The following EIF2AK4 variants were observed in gnomAD, a reference collection of about 807,000 sequenced individuals.
EIF2AK4 encodes the protein eIF-2-alpha kinase GCN2.
In EIF2AK4, 139 loss-of-function variants were observed where a neutral mutation model predicts 211.1. The observed-to-expected ratio is 0.66, with a 90% CI of 0.57 to 0.76. The LOEUF is 0.76. EIF2AK4 is among the 30% of genes least tolerant of loss of function. The pLI is 0.00. For missense variants in EIF2AK4, 1,664 were observed against 2,043.8 expected (o/e 0.81, Z 3.58); for synonymous variants, 710 against 751.3 (o/e 0.94, Z 0.90).
In EIF2AK4 at chr15:40,029,464, G is replaced by A. The variant is rs1458306047; in HGVS notation, c.4561G>A (p.Gly1521Ser). Reference protein sequence around the residue: ...NLKGSFSNASGLFEIHGATVV... With the variant: ...NLKGSFSNASSLFEIHGATVV... ...GAAGGGGTCATTTTCTAATGCTTCA[G>A]GTATAATTACTAATTATAATCTGAA... The change falls in exon 34 of 39, where the codon GGT becomes AGT. Residue 1521 changes from glycine (G) to serine (S), a missense_variant and splice_region_variant. Gly to Ser is a moderately conservative substitution (Grantham distance 56, BLOSUM62 0). This residue lies in a region of EIF2AK4 where 138 missense variants were observed against 165.1 expected (regional missense o/e 0.84). Transcript: ENST00000263791. 1.2e-6 allele frequency: 2 copies of A among 1,612,350 alleles called. No homozygotes were observed. The highest frequency in any genetic ancestry group is 1.7e-6 in the Non-Finnish European group (2 of 1,179,562).
chr15:40,004,399 A>T (rs941552384), intron 23 of EIF2AK4, among the ~76,000 whole-genome samples: 1 of 152,228 alleles, frequency 6.6e-6, no homozygotes, highest in African/African-American at 2.4e-5. Flanking sequence ...CACCAATATT[A>T]TGGAATATTA....
chr15:39,998,787 A>G lies in EIF2AK4; in HGVS notation c.2922+3A>G, dbSNP rs2035055695. ...ACGATGGAGAGCATGCAAAGCAGGT[A>G]ATTTTCTGATGCGTCAATTACTATG... On this transcript the variant is annotated splice_donor_region_variant and intron_variant, in intron 20 of 38. Coordinates refer to ENST00000263791, the MANE Select transcript of EIF2AK4 (RefSeq NM_001013703.4). 3.1e-6 allele frequency: 5 copies of G among 1,610,946 alleles called. No individual in the cohort carries two copies. The South Asian group carries it at 4.4e-5, about 14-fold the overall frequency.
intron 6 of EIF2AK4, among the ~76,000 whole-genome samples, chr15:39,956,029 G>A (rs1173862731): frequency 1.4e-5 from 2 of 139,646 alleles, no homozygotes; most frequent in East Asian, 2.0e-4. Context: ...TTTTTGAGAC[G>A]GTGTCTCGCT....
chr15:40,001,484 G>A (rs2035089928), intron 21 of EIF2AK4, among the ~76,000 whole-genome samples: 1 of 151,968 alleles, frequency 6.6e-6, no homozygotes, highest in South Asian at 2.1e-4. Context: ...ACAAAAATTA[G>A]CCGTGCGTGG....
chr15:39,973,572 T>C lies in EIF2AK4; in HGVS notation c.1661-20T>C. ...AATTTCCAATGCCTCATGTGCCTCT[T>C]ACTCCCTGTTTTATCTCAGATTCTG... On this transcript the variant is annotated intron_variant, in intron 10 of 38. Coordinates refer to ENST00000263791, the MANE Select transcript of EIF2AK4 (RefSeq NM_001013703.4). 1 of 1,601,876 alleles carries C rather than the reference T, an allele frequency of 6.2e-7. No homozygotes were observed. The highest frequency in any genetic ancestry group is 1.1e-5 in the South Asian group (1 of 88,752).
rs760411800 is a variant in EIF2AK4, at chr15:39,973,713, A to G, written c.1782A>G (p.Gln594=). 244 of 1,614,144 alleles carry G rather than the reference A, an allele frequency of 1.5e-4. No individual in the cohort carries two copies. The highest frequency in any genetic ancestry group is 1.9e-4 in the Non-Finnish European group (221 of 1,179,996). The change falls in exon 11 of 39, where the codon CAA becomes CAG. Residue 594 remains glutamine (Q), a synonymous_variant. Coordinates refer to ENST00000263791, the MANE Select transcript of EIF2AK4 (RefSeq NM_001013703.4). ...ACTTCATTGAGTTTGAAGAATTACA[A>G]CTTCTTGGTAAAGGAGCTTTTGGAG... ...SRYFIEFEEL[Q]LLGKGAFGAV...
intron 13 of EIF2AK4, 122 bp downstream of exon 13, chr15:39,978,269 T>A: frequency 2.2e-6 from 1 of 455,940 alleles, no homozygotes. Flanking sequence ...CCATAAATTT[T>A]AAAAGATGAT....
intron 20 of EIF2AK4, 28 bp from the exon 21 acceptor site, chr15:40,000,959 AT>A: frequency 6.2e-7 from 1 of 1,609,170 alleles, no homozygotes; most frequent in Non-Finnish European, 8.5e-7. Flanking sequence ...ATTGCATCCC[AT>A]TAGCAGTGTG....
At chr15:39,943,883 A>G (rs1279999992) in intron 3 of EIF2AK4, among the ~76,000 whole-genome samples, 1 of 152,114 alleles carries the variant, frequency 6.6e-6, no homozygotes, top group South Asian at 2.1e-4. Flanking sequence ...TGAGCCCAGG[A>G]GTTTGAGGTT....
intron 16 of EIF2AK4, chr15:39,991,596 T>G (rs8034362): frequency 0.32 from 49,291 of 152,668 alleles, 8,277 homozygotes; most frequent in Middle Eastern, 0.37. Flanking sequence ...CTAAGAATGT[T>G]GAAGCCGGTG....
intron 4 of EIF2AK4, among the ~76,000 whole-genome samples, chr15:39,951,996 A>G (rs1228644466): frequency 1.3e-5 from 2 of 152,180 alleles, no homozygotes; most frequent in African/African-American, 2.4e-5. Flanking sequence ...GAATTATTGT[A>G]TCTTTATAAT....
In EIF2AK4 at chr15:40,016,582, G is replaced by A. The variant is rs1432728077; in HGVS notation, c.3840G>A (p.Gln1280=). The A allele has an allele frequency of 6.2e-7, 1 of 1,614,164 alleles. No homozygotes were observed. Among genetic ancestry groups the A allele is most frequent in the Non-Finnish European group, 8.5e-7 (1 of 1,180,026 alleles). ...CAACAATAAATTCATTAATAAAACAGAAAACAGGTATTGCACAGTTGGTGA... is the reference window on the plus strand; with the variant it reads ...CAACAATAAATTCATTAATAAAACAAAAAACAGGTATTGCACAGTTGGTGA... ...LMPTINSLIK[Q]KTGIAQLVKY... Residue 1280 remains glutamine, a synonymous_variant, in exon 28 of 39, where the codon CAG becomes CAA. Coordinates refer to ENST00000263791, the MANE Select transcript of EIF2AK4 (RefSeq NM_001013703.4).
chr15:39,961,969 AT>A, intron 7 of EIF2AK4, 70 bp downstream of exon 7: 1 of 1,197,008 alleles, frequency 8.4e-7, no homozygotes, highest in Non-Finnish European at 1.2e-6. Flanking sequence ...AATGGGATGG[AT>A]TAGACACTGT....
chr15:39,950,724 T>G (rs2034297217), intron 4 of EIF2AK4, among the ~76,000 whole-genome samples: 1 of 150,684 alleles, frequency 6.6e-6, no homozygotes, highest in Admixed American at 6.6e-5. Context: ...ATATAGTTCA[T>G]AAGCTTGATG....
chr15:40,016,469 A>G, intron 27 of EIF2AK4, 33 bp from the exon 28 acceptor site: 2 of 1,613,278 alleles, frequency 1.2e-6, no homozygotes, highest in Admixed American at 1.7e-5. Flanking sequence ...CCTGCTGTGG[A>G]TGGGCAGCTG....
At chr15:40,000,654 A>C (rs1055192725) in intron 20 of EIF2AK4, among the ~76,000 whole-genome samples, 3 of 152,172 alleles carry the variant, frequency 2.0e-5, no homozygotes, top group Admixed American at 1.3e-4. Context: ...TATTTGTTTT[A>C]TCTTTTTACA....
At chr15:39,965,121 T>C (rs1045314864) in intron 7 of EIF2AK4, among the ~76,000 whole-genome samples, 1 of 152,188 alleles carries the variant, frequency 6.6e-6, no homozygotes, top group Non-Finnish European at 1.5e-5. Context: ...CATAAAACAC[T>C]GGCCTCTTTT....
At chr15:39,969,470 C>T (rs1398751549) in intron 9 of EIF2AK4, among the ~76,000 whole-genome samples, 2 of 149,662 alleles carry the variant, frequency 1.3e-5, no homozygotes, top group East Asian at 2.0e-4. Flanking sequence ...ACGCCATTCT[C>T]CTGCCTCAGC....
chr15:39,959,675 A>G (rs1186533365), intron 6 of EIF2AK4, among the ~76,000 whole-genome samples: 1 of 152,224 alleles, frequency 6.6e-6, no homozygotes, highest in South Asian at 2.1e-4. Context: ...CATTAGCACC[A>G]TCTGCTGAGG....
Sources: gnomAD v4.1 joint callset for allele counts (sites outside exome capture counted in the v4.1 genomes callset) on GRCh38, gnomAD v4.1.1 for gene constraint, gnomAD v4.1.1 regional missense constraint, MANE v1.5 for transcripts, NCBI Gene and HGNC (gene_info 2026-07-23, HGNC 2026-07-21) for gene names.